PSD3: variants seen among roughly 807,000 people sequenced by gnomAD.
PSD3 encodes the protein PH and SEC7 domain-containing protein 3.
PSD3 carries 49 observed loss-of-function variants against 105.5 expected under a neutral mutation model. The ratio of observed to expected loss-of-function variants is 0.46; its 90% confidence interval spans 0.37 to 0.59. The LOEUF is 0.59. Among genes scored for constraint, PSD3 ranks in the 20% least tolerant of loss-of-function variants. The pLI is 0.00. For synonymous variants in PSD3, 557 were observed against 457.8 expected (o/e 1.22, Z -2.77); for missense variants, 1,561 against 1,263.8 (o/e 1.24, Z -3.57).
chr8:18,839,521 C>G (rs1487386013), intron 4 of PSD3, among the ~76,000 whole-genome samples: 1 of 152,132 alleles, frequency 6.6e-6, no homozygotes, highest in Admixed American at 6.5e-5. Flanking sequence ...TTTGCTGCAG[C>G]AAAGCCAAGG....
At chr8:18,729,568 CA>C (rs1803576765) in intron 9 of PSD3, among the ~76,000 whole-genome samples, 1 of 151,958 alleles carries the variant, frequency 6.6e-6, no homozygotes, top group Admixed American at 6.5e-5. Flanking sequence ...GCTCCTAAGA[CA>C]AAAAAGGGTA....
intron 9 of PSD3, among the ~76,000 whole-genome samples, chr8:18,736,250 T>C (rs957513552): frequency 6.6e-6 from 1 of 152,178 alleles, no homozygotes; most frequent in Admixed American, 6.5e-5. Context: ...TACTGTGAAA[T>C]TGAAGGCAAG....
chr8:18,800,244 G>A (rs1275781732), intron 7 of PSD3, among the ~76,000 whole-genome samples: 2 of 152,038 alleles, frequency 1.3e-5, no homozygotes, highest in Non-Finnish European at 2.9e-5. Flanking sequence ...TAATAAAAAT[G>A]GCCCACTTTT....
chr8:19,040,133 A>C (rs1828072153), intron 1 of PSD3, among the ~76,000 whole-genome samples: 1 of 152,256 alleles, frequency 6.6e-6, no homozygotes, highest in Non-Finnish European at 1.5e-5. Flanking sequence ...GAACGATCTC[A>C]AGATTCCTCT....
chr8:18,690,868 C>A (rs1335403488), intron 9 of PSD3, among the ~76,000 whole-genome samples: 1 of 152,178 alleles, frequency 6.6e-6, no homozygotes, highest in African/African-American at 2.4e-5. Context: ...TTGCCTTCAC[C>A]CATCTCAATT....
In PSD3 at chr8:18,872,207, C is replaced by A; in HGVS notation, c.657G>T (p.Ala219=). The change falls in exon 3 of 16, where the codon GCG becomes GCT. Residue 219 remains alanine (A), a synonymous_variant. Transcript: ENST00000327040. ...FYLSIQKDLT[A]LLTGDTQAEI... is the part of the protein sequence containing the mutation. ...CTGCCTGAGTGTCTCCAGTTAACAGCGCGGTGAGATCTTTCTGGATGCTCA... is the reference window on the plus strand; with the variant it reads ...CTGCCTGAGTGTCTCCAGTTAACAGAGCGGTGAGATCTTTCTGGATGCTCA... 6.2e-7 allele frequency: 1 copy of A among 1,614,162 alleles called. No individual in the cohort carries two copies. Among genetic ancestry groups the A allele is most frequent in the Non-Finnish European group, 8.5e-7 (1 of 1,180,020 alleles).
intron 9 of PSD3, among the ~76,000 whole-genome samples, chr8:18,658,689 ACT>A (rs1354474101): frequency 6.6e-6 from 1 of 151,500 alleles, no homozygotes; most frequent in Non-Finnish European, 1.5e-5. Flanking sequence ...GATCAATCCT[ACT>A]CTGATTTCTC....
chr8:19,063,267 C>G (rs1196715267), intron 1 of PSD3, among the ~76,000 whole-genome samples: 1 of 152,084 alleles, frequency 6.6e-6, no homozygotes, highest in East Asian at 1.9e-4. Context: ...AGTAGCTTAC[C>G]AAGAGTTAAC....
chr8:18,719,938 T>C (rs1802845765), intron 9 of PSD3, among the ~76,000 whole-genome samples: 1 of 152,194 alleles, frequency 6.6e-6, no homozygotes, highest in African/African-American at 2.4e-5. Context: ...CAACCAGGCC[T>C]CTTCTGTTCA....
At chr8:19,032,887 G>T (rs1827817450) in intron 1 of PSD3, among the ~76,000 whole-genome samples, 1 of 152,132 alleles carries the variant, frequency 6.6e-6, no homozygotes, top group East Asian at 1.9e-4. Flanking sequence ...TATTAAGAAG[G>T]CTAGTTTAAT....
chr8:19,080,130 T>C (rs1240708714), intron 1 of PSD3, among the ~76,000 whole-genome samples: 2 of 152,186 alleles, frequency 1.3e-5, no homozygotes, highest in Non-Finnish European at 2.9e-5. Flanking sequence ...TTCAAATGAT[T>C]TGCCAGCCTC....
At chr8:18,997,671 T>G (rs1399605080) in intron 1 of PSD3, among the ~76,000 whole-genome samples, 1 of 152,050 alleles carries the variant, frequency 6.6e-6, no homozygotes, top group Non-Finnish European at 1.5e-5. Context: ...CCGACCCCAC[T>G]GCTCACTGTG....
intron 12 of PSD3, among the ~76,000 whole-genome samples, chr8:18,586,645 G>A (rs1466479776): frequency 6.6e-6 from 1 of 152,034 alleles, no homozygotes; most frequent in Non-Finnish European, 1.5e-5. Flanking sequence ...CGGAATGGCT[G>A]GAATTGCCAG....
intron 1 of PSD3, among the ~76,000 whole-genome samples, chr8:18,988,408 TA>T (rs1372608951): frequency 6.6e-6 from 1 of 152,094 alleles, no homozygotes; most frequent in African/African-American, 2.4e-5. Flanking sequence ...ATCTCTAATT[TA>T]AAAAATAAAT....
intron 1 of PSD3, among the ~76,000 whole-genome samples, chr8:18,982,353 G>A (rs1471635067): frequency 1.3e-5 from 2 of 151,994 alleles, no homozygotes; most frequent in African/African-American, 4.8e-5. Context: ...TATCCATGAG[G>A]GTTGGAATCA....
In PSD3 at chr8:18,722,280, C is replaced by T. The variant is rs1159315279; in HGVS notation, c.2172+43169G>A. Among the ~76,000 whole-genome samples, 7 of 152,212 alleles carry T rather than the reference C, an allele frequency of 4.6e-5. No individual in the cohort carries two copies. In the South Asian group the frequency reaches 1.5e-3, roughly 32 times the overall value. The stretch of plus-strand genomic sequence containing the variant: ...CTAACTAGACAAGAAGCTGGTTGTT[C>T]CCTTTTTTAAAGCAGCAGCACTCAC... On this transcript the variant is annotated intron_variant, in intron 9 of 15. Coordinates refer to ENST00000327040, the MANE Select transcript of PSD3 (RefSeq NM_015310.4).
chr8:18,801,620 A>G (rs1446730678), intron 6 of PSD3, among the ~76,000 whole-genome samples: 2 of 152,174 alleles, frequency 1.3e-5, no homozygotes, highest in Non-Finnish European at 2.9e-5. Flanking sequence ...ACTTGAGGTC[A>G]GGGGTTCAAA....
intron 9 of PSD3, among the ~76,000 whole-genome samples, chr8:18,763,612 A>C (rs1806725541): frequency 6.6e-6 from 1 of 152,188 alleles, no homozygotes; most frequent in African/African-American, 2.4e-5. Flanking sequence ...AAAAGACAGA[A>C]ATAAAAAGAA....
intron 4 of PSD3, among the ~76,000 whole-genome samples, chr8:18,821,306 AATG>A (rs766681562): frequency 8.7e-4 from 133 of 152,246 alleles, no homozygotes; most frequent in African/African-American, 2.9e-3. Flanking sequence ...GCTAAATGAG[AATG>A]ATATTTTGTA....
Sources: allele counts gnomAD v4.1 joint callset (sites outside exome capture counted in the v4.1 genomes callset), GRCh38; gene constraint gnomAD v4.1.1; transcripts MANE v1.5; gene names NCBI Gene and HGNC (gene_info 2026-07-23, HGNC 2026-07-21).